Variants in STT3B observed in about 807,000 individuals in gnomAD.
STT3B encodes the protein dolichyl-diphosphooligosaccharide--protein glycosyltransferase subunit STT3B.
A neutral mutation model predicts 96.8 loss-of-function variants in STT3B; 29 were observed. That is an observed-to-expected ratio of 0.30 (90% CI 0.22 to 0.41). The LOEUF is 0.41. Ranked by LOEUF, STT3B falls within the 10% of genes least tolerant of loss-of-function variation. The pLI, the probability that STT3B is intolerant of heterozygous loss-of-function variation, is 1.00. For synonymous variants in STT3B, 367 were observed against 360.0 expected (o/e 1.02, Z -0.22); for missense variants, 640 against 1,022.3 (o/e 0.63, Z 5.10).
intron 3 of STT3B, among the ~76,000 whole-genome samples, chr3:31,586,115 G>T (rs1698529567): frequency 6.6e-6 from 1 of 151,984 alleles, no homozygotes; most frequent in South Asian, 2.1e-4. Flanking sequence ...CCATCAGATG[G>T]CATGGTCACA....
At chr3:31,622,365 C>A in intron 10 of STT3B, 57 bp downstream of exon 10, 2 of 1,413,046 alleles carry the variant, frequency 1.4e-6, no homozygotes, top group Non-Finnish European at 2.0e-6. Flanking sequence ...AATTTTTCCA[C>A]CACAGTAAGA....
chr3:31,559,151 GTGTGT>G, intron 1 of STT3B, among the ~76,000 whole-genome samples: 1 of 58,156 alleles, frequency 1.7e-5, no homozygotes, highest in Non-Finnish European at 3.0e-5. Flanking sequence ...CTTGGGGTGT[GTGTGT>G]GTGTGTGTGT....
chr3:31,544,184 A>G (rs1352969127), intron 1 of STT3B, among the ~76,000 whole-genome samples: 1 of 152,200 alleles, frequency 6.6e-6, no homozygotes, highest in Admixed American at 6.5e-5. Context: ...ATTTAACTTT[A>G]TGATTATAGT....
chr3:31,599,376 CT>C (rs1353164713), intron 4 of STT3B, among the ~76,000 whole-genome samples: 1 of 152,074 alleles, frequency 6.6e-6, no homozygotes, highest in East Asian at 1.9e-4. Context: ...CAAATTTAGA[CT>C]TAAATTTTTA....
At chr3:31,613,160 T>A (rs911880295) in intron 5 of STT3B, among the ~76,000 whole-genome samples, 1 of 152,108 alleles carries the variant, frequency 6.6e-6, no homozygotes, top group Non-Finnish European at 1.5e-5. Context: ...ACCTTATGCG[T>A]GTACTCAATA....
At chr3:31,548,287 A>C (rs563631219) in intron 1 of STT3B, among the ~76,000 whole-genome samples, 2 of 152,278 alleles carry the variant, frequency 1.3e-5, no homozygotes, top group Admixed American at 6.5e-5. Flanking sequence ...AAAAGATTTC[A>C]CCAGGTTGAG....
At chr3:31,538,452 T>C (rs957985451) in intron 1 of STT3B, among the ~76,000 whole-genome samples, 1 of 152,180 alleles carries the variant, frequency 6.6e-6, no homozygotes, top group Non-Finnish European at 1.5e-5. Flanking sequence ...TTGAGTTTGC[T>C]GAATCTGGTG....
intron 1 of STT3B, among the ~76,000 whole-genome samples, chr3:31,538,783 T>TTTG (rs1238655642): frequency 6.6e-6 from 1 of 152,180 alleles, no homozygotes; most frequent in African/African-American, 2.4e-5. Flanking sequence ...CTACTCTGTC[T>TTTG]TCAACCGTCT....
At chr3:31,623,529 A>G (rs1699472268) in intron 10 of STT3B, 145 bp from the exon 11 acceptor site, 2 of 626,000 alleles carry the variant, frequency 3.2e-6, no homozygotes, top group Admixed American at 3.0e-5. Context: ...TCCATCACCC[A>G]CATAAGAATA....
chr3:31,596,888 A>G (rs772734200), intron 4 of STT3B, 25 bp downstream of exon 4: 3 of 1,561,586 alleles, frequency 1.9e-6, no homozygotes, highest in Non-Finnish European at 2.6e-6. Context: ...TTGAGACTAC[A>G]TGAAGTCTAG....
rs1575401723 is a variant in STT3B, at chr3:31,537,027, A to T, written c.314+3715A>T. Among the ~76,000 whole-genome samples the T allele has an allele frequency of 7.2e-5, 11 of 152,354 alleles. 2 individuals carry two copies. Among genetic ancestry groups the T allele is most frequent in the Admixed American group, 7.2e-4 (11 of 15,310 alleles). ...TCTTTTTTCCCTGCCTTAGCAGGTT[A>T]TAAAGTGGGTTCTCCCTAGAGAGAA... On this transcript the variant is annotated intron_variant, in intron 1 of 15. Coordinates refer to ENST00000295770, the MANE Select transcript of STT3B (RefSeq NM_178862.3).
chr3:31,615,396 A>T (rs1447067095), intron 6 of STT3B, among the ~76,000 whole-genome samples, 193 bp downstream of exon 6: 1 of 151,844 alleles, frequency 6.6e-6, no homozygotes, highest in African/African-American at 2.4e-5. Flanking sequence ...GACCCATTGG[A>T]AGTCTGTGGG....
chr3:31,615,474 G>A (rs1699286581), intron 6 of STT3B, among the ~76,000 whole-genome samples: 1 of 151,728 alleles, frequency 6.6e-6, no homozygotes, highest in Admixed American at 6.6e-5. Flanking sequence ...TTTCAGAGGT[G>A]GTGTTTCTAT....
At chr3:31,626,672 T>C (rs575499061) in intron 13 of STT3B, among the ~76,000 whole-genome samples, 27 of 152,316 alleles carry the variant, frequency 1.8e-4, no homozygotes, top group Middle Eastern at 3.4e-3. Context: ...GCACTAGGTC[T>C]AGTTCTAGGA....
intron 1 of STT3B, among the ~76,000 whole-genome samples, chr3:31,553,570 A>G (rs1697624195): frequency 1.3e-5 from 2 of 152,342 alleles, no homozygotes; most frequent in East Asian, 3.9e-4. Context: ...TAATGAATCT[A>G]TGGTGAAAGA....
chr3:31,593,970 C>T (rs1020661086), intron 3 of STT3B, among the ~76,000 whole-genome samples: 1 of 152,116 alleles, frequency 6.6e-6, no homozygotes, highest in Non-Finnish European at 1.5e-5. Context: ...TGTTTCTTTG[C>T]ATGTCTTATA....
chr3:31,590,081 T>C (rs767517781), intron 3 of STT3B, among the ~76,000 whole-genome samples: 5 of 151,966 alleles, frequency 3.3e-5, no homozygotes, highest in Non-Finnish European at 7.4e-5. Context: ...ATGTATCTTT[T>C]TAAAAGTTTT....
At chr3:31,617,164 A>G in intron 7 of STT3B, 89 bp downstream of exon 7, 1 of 1,018,968 alleles carries the variant, frequency 9.8e-7, no homozygotes, top group Non-Finnish European at 1.3e-6. Context: ...GAATAACAGC[A>G]TGACTACAAA....
rs1031891246 is a variant in STT3B at position 31,551,506 on chromosome 3, T to C, written c.314+18194T>C. Among the ~76,000 whole-genome samples, 3 of 152,202 alleles carry C rather than the reference T, an allele frequency of 2.0e-5. No homozygotes were observed. The East Asian group carries it at 5.8e-4, about 29-fold the overall frequency. On this transcript the variant is annotated intron_variant, in intron 1 of 15. Transcript: ENST00000295770. ...TGCTGGGATTACCTGCATGAGCCAC[T>C]GTGCCTGGCCTCTTTCCTGATTCTT...
Sources: allele counts gnomAD v4.1 joint callset (sites outside exome capture counted in the v4.1 genomes callset), GRCh38; gene constraint gnomAD v4.1.1; transcripts MANE v1.5; gene names NCBI Gene and HGNC (gene_info 2026-07-23, HGNC 2026-07-21).